TANGO6: variants seen among roughly 807,000 people sequenced by gnomAD.
TANGO6 encodes transport and Golgi organization protein 6 homolog.
In TANGO6, 90 loss-of-function variants were observed where a neutral mutation model predicts 114.2. That is an observed-to-expected ratio of 0.79 (90% CI 0.66 to 0.94). The LOEUF (loss-of-function observed/expected upper bound fraction) is 0.94, where lower values mean the gene tolerates loss of function less well. TANGO6 is among the 40% of genes least tolerant of loss of function. TANGO6 has a pLI of 0.00. For missense variants in TANGO6, 1,274 were observed against 1,315.3 expected, an observed-to-expected ratio of 0.97 and a Z score of 0.49; for synonymous variants, 477 against 509.8, an observed-to-expected ratio of 0.94 and a Z score of 0.87.
At chr16:68,859,816 C>A in intron 1 of TANGO6, 68 bp from the exon 2 acceptor site, 1 of 1,463,754 alleles carries the variant, frequency 6.8e-7, no homozygotes. Flanking sequence ...GTAGGCAGGG[C>A]ATTCCACAGG....
chr16:68,957,731 T>C (rs938554697), intron 14 of TANGO6, among the ~76,000 whole-genome samples: 2 of 152,058 alleles, frequency 1.3e-5, no homozygotes, highest in South Asian at 2.1e-4. Context: ...AATTGTCACA[T>C]AGAAATTATG....
rs201178988 is a variant in TANGO6, at chr16:68,932,799, G to GA, written c.2701+2513dup. Among the ~76,000 whole-genome samples the GA allele has an allele frequency of 8.8e-4, 128 of 145,890 alleles. No homozygotes were observed. In the East Asian group the frequency reaches 0.016, roughly 18 times the overall value. On this transcript the variant is annotated intron_variant, in intron 14 of 17. Coordinates refer to ENST00000261778, the MANE Select transcript of TANGO6 (RefSeq NM_024562.2). ...AGTGAGACTCCGTCTCAGAAAAAAA[G>GA]AAAAAAAAAGGACATTAGGGGAAAA...
At chr16:68,877,330 T>G (rs1962380633) in intron 5 of TANGO6, among the ~76,000 whole-genome samples, 1 of 151,322 alleles carries the variant, frequency 6.6e-6, no homozygotes, top group African/African-American at 2.4e-5. Flanking sequence ...TAGCTGGGGG[T>G]AGTGGCATGT....
At chr16:68,861,150 G>T (rs916621244) in intron 2 of TANGO6, among the ~76,000 whole-genome samples, 1 of 152,096 alleles carries the variant, frequency 6.6e-6, no homozygotes, top group African/African-American at 2.4e-5. Context: ...CTCACATGCT[G>T]ACTGGGGAGA....
At chr16:68,919,679 C>T (rs1963062290) in intron 12 of TANGO6, among the ~76,000 whole-genome samples, 1 of 152,202 alleles carries the variant, frequency 6.6e-6, no homozygotes, top group Non-Finnish European at 1.5e-5. Flanking sequence ...GCTTTGCTTC[C>T]AGCCACTTTT....
chr16:68,854,249 T>C (rs1729920000), intron 1 of TANGO6, among the ~76,000 whole-genome samples: 1 of 151,158 alleles, frequency 6.6e-6, no homozygotes. Flanking sequence ...AGCATAGGAG[T>C]TCAAGACCAG....
chr16:69,067,145 C>T (rs895652871), intron 17 of TANGO6, among the ~76,000 whole-genome samples: 1 of 152,180 alleles, frequency 6.6e-6, no homozygotes, highest in Admixed American at 6.6e-5. Context: ...AATCCTCTCA[C>T]CTTTACCTCC....
intron 7 of TANGO6, among the ~76,000 whole-genome samples, chr16:68,882,633 A>C (rs1048127457): frequency 4.6e-5 from 7 of 152,236 alleles, no homozygotes; most frequent in Admixed American, 2.0e-4. Context: ...ATGGTTTTGC[A>C]AATCTGTAAA....
intron 16 of TANGO6, among the ~76,000 whole-genome samples, chr16:69,039,035 A>C (rs1295832761): frequency 6.6e-6 from 1 of 152,174 alleles, no homozygotes; most frequent in Non-Finnish European, 1.5e-5. Flanking sequence ...AATACAAAAA[A>C]TTAGCCAGGT....
rs1373761553 is a variant in TANGO6, at chr16:69,037,100, C to T, written c.2995-3208C>T. On this transcript the variant is annotated intron_variant, in intron 16 of 17. Coordinates refer to ENST00000261778, the MANE Select transcript of TANGO6 (RefSeq NM_024562.2). ...GCTGTGAGCTGAGATCGTGCTACTG[C>T]ACTCCAGCCTGGGCAACAGAGTGAG... Among the ~76,000 whole-genome samples, 9 of 144,654 alleles carry T rather than the reference C, an allele frequency of 6.2e-5. No homozygotes were observed. In the East Asian group the frequency reaches 1.8e-3, roughly 30 times the overall value. The allele number at this position is 144,654 out of a possible 152,430, so 94.9% of individuals were successfully genotyped here. A position where few individuals can be genotyped will look rare whatever the true frequency, so the allele number is the denominator to read the frequency against.
intron 15 of TANGO6, among the ~76,000 whole-genome samples, chr16:69,011,474 A>G (rs1597057073): frequency 6.6e-6 from 1 of 151,048 alleles, no homozygotes; most frequent in Admixed American, 6.6e-5. Context: ...TTTTTTTGGA[A>G]AAAGGGTCTT....
intron 9 of TANGO6, among the ~76,000 whole-genome samples, chr16:68,906,896 C>A (rs185217582): frequency 1.3e-5 from 2 of 151,274 alleles, no homozygotes; most frequent in African/African-American, 4.9e-5. Context: ...TGGGTTCAAG[C>A]GATTCTCCTG....
intron 16 of TANGO6, chr16:69,026,395 G>A (rs1486754908): frequency 6.1e-6 from 1 of 163,878 alleles, no homozygotes; most frequent in Non-Finnish European, 1.4e-5. Context: ...CATCTAGAAA[G>A]TGTTTTGCAG....
In TANGO6 at chr16:68,922,939, G is replaced by GTTTTTT. The variant is rs531603542; in HGVS notation, c.2127+3742_2127+3747dup. On this transcript the variant is annotated intron_variant, in intron 12 of 17. Transcript: ENST00000261778. ...TCTTACTCTACACTGCTTAGGTCAT[G>GTTTTTT]TTTTTTTTTTTTTTTTTTTTTTTTT... Among the ~76,000 whole-genome samples the GTTTTTT allele has an allele frequency of 2.7e-4, 21 of 79,050 alleles. 4 individuals carry two copies. Among genetic ancestry groups the GTTTTTT allele is most frequent in the African/African-American group, 7.4e-4 (14 of 18,976 alleles). 51.9% of individuals were successfully genotyped at this position (79,050 alleles called of 152,430 possible). A position where few individuals can be genotyped will look rare whatever the true frequency, so the allele number is the denominator to read the frequency against.
intron 15 of TANGO6, among the ~76,000 whole-genome samples, chr16:69,009,666 T>A (rs1398808189): frequency 6.6e-6 from 1 of 152,248 alleles, no homozygotes; most frequent in African/African-American, 2.4e-5. Flanking sequence ...AATATTGTCC[T>A]TCAATTCATG....
chr16:69,042,453 A>G (rs1246812968), intron 17 of TANGO6, among the ~76,000 whole-genome samples: 2 of 152,192 alleles, frequency 1.3e-5, no homozygotes, highest in African/African-American at 4.8e-5. Context: ...AGACTGAAGC[A>G]GGAGAATCAC....
intron 17 of TANGO6, among the ~76,000 whole-genome samples, chr16:69,074,078 A>T (rs1335663548): frequency 1.3e-5 from 2 of 152,030 alleles, no homozygotes; most frequent in East Asian, 3.9e-4. Flanking sequence ...CCCAGCAGGG[A>T]CCAGGCAGCA....
chr16:69,073,757 C>G (rs1304840655), intron 17 of TANGO6, among the ~76,000 whole-genome samples: 1 of 152,052 alleles, frequency 6.6e-6, no homozygotes, highest in African/African-American at 2.4e-5. Flanking sequence ...GTGTTTGAGA[C>G]CAGCCTGGCC....
intron 1 of TANGO6, among the ~76,000 whole-genome samples, chr16:68,849,232 G>A (rs1327380827): frequency 6.6e-6 from 1 of 152,160 alleles, no homozygotes; most frequent in African/African-American, 2.4e-5. Flanking sequence ...CTACTTGGAG[G>A]CTGAGGCAGG....
Sources: gnomAD v4.1 joint callset for allele counts (sites outside exome capture counted in the v4.1 genomes callset) on GRCh38, gnomAD v4.1.1 for gene constraint, MANE v1.5 for transcripts, NCBI Gene and HGNC (gene_info 2026-07-23, HGNC 2026-07-21) for gene names.